Variants in CCND3 observed in about 807,000 individuals in gnomAD.
CCND3 encodes G1/S-specific cyclin-D3.
A neutral mutation model predicts 28.7 loss-of-function variants in CCND3; 9 were observed. That is an observed-to-expected ratio of 0.31 (90% CI 0.19 to 0.55). CCND3 has a LOEUF of 0.55. CCND3 is among the 20% of genes least tolerant of loss of function. The pLI is 0.93. For missense variants in CCND3, 315 were observed against 385.8 expected (o/e 0.82, Z 1.54); for synonymous variants, 164 against 163.9 (o/e 1.00, Z 0.00).
upstream of CCND3, among the ~76,000 whole-genome samples, chr6:41,942,979 A>G (rs186647578): frequency 5.7e-4 from 85 of 148,452 alleles, no homozygotes; most frequent in African/African-American, 2.1e-3. Context: ...CCCGGGTTCA[A>G]GCAATTCCCG....
Position 41,973,024 on chromosome 6 carries a change from C to A in CCND3, c.-45-32439G>T, listed in dbSNP as rs560998623. Among the ~76,000 whole-genome samples, 5 of 152,152 alleles carry A rather than the reference C, an allele frequency of 3.3e-5. No individual in the cohort carries two copies. In the South Asian group the frequency reaches 1.0e-3, roughly 32 times the overall value. Reference sequence around the variant, plus strand: ...AGAACAGCTTTCCTCTCTGCCCAACCCCACCCATGTGTGTCTGGGTAATGT... The same window carrying A: ...AGAACAGCTTTCCTCTCTGCCCAACACCACCCATGTGTGTCTGGGTAATGT... On this transcript the variant is annotated intron_variant, in intron 1 of 4. Coordinates refer to the CCND3 transcript ENST00000372988.
chr6:41,941,306 G>A lies in CCND3; in HGVS notation c.198+146C>T, dbSNP rs534048771. ...GAAAGCAAGGGAGGCAGCTGGCGTG[G>A]GTGCCCTAGTGAAAGGCCAGGCCCC... On this transcript the variant is annotated intron_variant, in intron 1 of 4. Coordinates refer to ENST00000372991, the MANE Select transcript of CCND3 (RefSeq NM_001760.5). The surrounding 1 kb of genome is among the most constrained non-coding windows in gnomAD (Gnocchi z 6.1). 5.5e-6 allele frequency: 8 copies of A among 1,460,464 alleles called. No individual in the cohort carries two copies. The African/African-American group carries it at 1.1e-4, about 21-fold the overall frequency. The allele number at this position is 1,460,464 out of a possible 1,614,324, so 90.5% of individuals were successfully genotyped here. A position where few individuals can be genotyped will look rare whatever the true frequency, so the allele number is the denominator to read the frequency against.
In CCND3 at chr6:42,040,879, CA is replaced by C. The variant is rs575544643; in HGVS notation, c.-46+7621del. Among the ~76,000 whole-genome samples the C allele has an allele frequency of 6.8e-3, 953 of 140,650 alleles. 9 individuals carry two copies. Among genetic ancestry groups the C allele is most frequent in the African/African-American group, 0.021 (814 of 37,958 alleles). 92.3% of individuals were successfully genotyped at this position (140,650 alleles called of 152,430 possible). A position where few individuals can be genotyped will look rare whatever the true frequency, so the allele number is the denominator to read the frequency against. Reference sequence around the variant, plus strand: ...AACAAACAAACAAACAAAAAAAAAACAAAAAAAAAAACCTCATAGAATATGT... The same window carrying C: ...AACAAACAAACAAACAAAAAAAAAACAAAAAAAAAACCTCATAGAATATGT... On this transcript the variant is annotated intron_variant, in intron 1 of 4. Transcript: ENST00000372988.
At chr6:42,016,586 TCTA>T (rs1561988541) in intron 1 of CCND3, among the ~76,000 whole-genome samples, 1 of 9,500 alleles carries the variant, frequency 1.1e-4, no homozygotes, top group African/African-American at 1.7e-4. Context: ...GCTATTACTA[TCTA>T]TTACTTTTTT....
At chr6:42,026,796 T>C (rs1763888421) in intron 1 of CCND3, among the ~76,000 whole-genome samples, 1 of 152,200 alleles carries the variant, frequency 6.6e-6, no homozygotes, top group African/African-American at 2.4e-5. Context: ...CTTTTCTTTC[T>C]CGTCACTTTC....
rs371083496 is a variant in CCND3, at chr6:41,941,224, C to T, written c.198+228G>A. The T allele has an allele frequency of 7.0e-7, 1 of 1,434,162 alleles. No homozygotes were observed. The allele number at this position is 1,434,162 out of a possible 1,614,324, so 88.8% of individuals were successfully genotyped here. ...CGTTTGCTCGGCCCGAAGAGAGGCACAGTTAGGGTGCCAAGTGACTGGCAG... is the reference window on the plus strand; with the variant it reads ...CGTTTGCTCGGCCCGAAGAGAGGCATAGTTAGGGTGCCAAGTGACTGGCAG... On this transcript the variant is annotated intron_variant, in intron 1 of 4. Transcript: ENST00000372991. The surrounding 1 kb of genome is among the most constrained non-coding windows in gnomAD (Gnocchi z 6.1).
chr6:42,043,514 G>A (rs1047730403), intron 1 of CCND3, among the ~76,000 whole-genome samples: 9 of 152,198 alleles, frequency 5.9e-5, no homozygotes, highest in African/African-American at 1.9e-4. Flanking sequence ...CGGGGCGACA[G>A]AGTGAGACTC....
chr6:41,948,075 C>A (rs1033083196), intron 1 of CCND3, among the ~76,000 whole-genome samples: 1 of 152,126 alleles, frequency 6.6e-6, no homozygotes, highest in Non-Finnish European at 1.5e-5. Flanking sequence ...ATGGCCCACT[C>A]CCTCACTTCC....
chr6:41,956,278 C>T (rs1776433881), intron 1 of CCND3, among the ~76,000 whole-genome samples: 1 of 151,724 alleles, frequency 6.6e-6, no homozygotes, highest in Admixed American at 6.6e-5. Context: ...GGCGACAGAG[C>T]GAGACTCCTT....
intron 1 of CCND3, among the ~76,000 whole-genome samples, chr6:41,956,471 T>G (rs1561960238): frequency 1.3e-5 from 2 of 152,116 alleles, no homozygotes; most frequent in Non-Finnish European, 2.9e-5. Context: ...AGGCTGATCC[T>G]CAACGTTCTA....
chr6:41,950,735 G>A (rs566799638), intron 1 of CCND3, among the ~76,000 whole-genome samples: 35 of 148,086 alleles, frequency 2.4e-4, no homozygotes, highest in Middle Eastern at 3.4e-3. Flanking sequence ...TTGAGATGGA[G>A]TCTCTCTCTG....
intron 1 of CCND3, among the ~76,000 whole-genome samples, chr6:41,947,197 G>T (rs1776193124): frequency 6.6e-6 from 1 of 151,604 alleles, no homozygotes; most frequent in Non-Finnish European, 1.5e-5. Flanking sequence ...CTCCAGCCTG[G>T]GCAACAGAGC....
intron 1 of CCND3, among the ~76,000 whole-genome samples, chr6:41,983,638 A>G (rs968316739): frequency 6.6e-6 from 1 of 152,020 alleles, no homozygotes; most frequent in Non-Finnish European, 1.5e-5. Flanking sequence ...CTAGGAATTC[A>G]AGACCCGCCT....
In CCND3 at chr6:41,935,749, A is replaced by G. The variant is rs186181458; in HGVS notation, c.*191T>C. 1 of 583,984 alleles carries G rather than the reference A, an allele frequency of 1.7e-6. No homozygotes were observed. Among genetic ancestry groups the G allele is most frequent in the Admixed American group, 2.9e-5 (1 of 34,710 alleles). The allele number at this position is 583,984 out of a possible 1,614,324, so 36.2% of individuals were successfully genotyped here. A position where few individuals can be genotyped will look rare whatever the true frequency, so the allele number is the denominator to read the frequency against. On this transcript the variant is annotated 3_prime_UTR_variant, in exon 5 of 5. Transcript: ENST00000372991. Reference sequence around the variant, plus strand: ...GGAGGAGGAGCTTGACTAGCCACCGAAATGCAGACATGGCTGGCCGGGCCC... The same window carrying G: ...GGAGGAGGAGCTTGACTAGCCACCGGAATGCAGACATGGCTGGCCGGGCCC...
chr6:41,979,254 C>T (rs2127411386), intron 1 of CCND3, among the ~76,000 whole-genome samples: 1 of 151,308 alleles, frequency 6.6e-6, no homozygotes, highest in South Asian at 2.1e-4. Context: ...AAAATAACGG[C>T]CGGGCACAGT....
In CCND3 at chr6:41,939,457, C is replaced by T. The variant is rs542220478; in HGVS notation, c.414+913G>A. Among the ~76,000 whole-genome samples, 1 of 152,314 alleles carries T rather than the reference C, an allele frequency of 6.6e-6. No homozygotes were observed. ...TAACCTCTTCCAGATCCAGCAGCTCCCCCGCCTCCTCCCCAGGCTCCTTCT... is the reference window on the plus strand; with the variant it reads ...TAACCTCTTCCAGATCCAGCAGCTCTCCCGCCTCCTCCCCAGGCTCCTTCT... On this transcript the variant is annotated intron_variant, in intron 2 of 4. Coordinates refer to ENST00000372991, the MANE Select transcript of CCND3 (RefSeq NM_001760.5). The surrounding 1 kb of genome is among the most constrained non-coding windows in gnomAD (Gnocchi z 4.2).
intron 1 of CCND3, among the ~76,000 whole-genome samples, chr6:42,020,260 C>T (rs988914095): frequency 5.3e-5 from 8 of 151,778 alleles, no homozygotes; most frequent in Non-Finnish European, 5.9e-5. Flanking sequence ...CCAGCCTGGG[C>T]GGCAGAGCGA....
intron 1 of CCND3, among the ~76,000 whole-genome samples, chr6:42,027,550 A>G (rs1450699870): frequency 6.6e-6 from 1 of 151,774 alleles, no homozygotes; most frequent in Non-Finnish European, 1.5e-5. Flanking sequence ...CGAACTGACC[A>G]TTTCTCAATT....
intron 1 of CCND3, among the ~76,000 whole-genome samples, chr6:41,957,265 C>T (rs1316888594): frequency 2.0e-5 from 3 of 152,216 alleles, no homozygotes; most frequent in Admixed American, 1.3e-4. Context: ...ACAGACACTC[C>T]TTTCGTCTTC....
Sources: gnomAD v4.1 joint callset for allele counts (sites outside exome capture counted in the v4.1 genomes callset) on GRCh38, gnomAD v4.1.1 for gene constraint, Gnocchi (gnomAD v3.1) non-coding constraint, MANE v1.5 for transcripts, NCBI Gene and HGNC (gene_info 2026-07-23, HGNC 2026-07-21) for gene names.